The following SMYD3 variants were observed in gnomAD, a reference collection of about 807,000 sequenced individuals.
SMYD3 encodes the protein histone-lysine N-methyltransferase SMYD3.
SMYD3 carries 36 observed loss-of-function variants against 57.7 expected under a neutral mutation model. That is an observed-to-expected ratio of 0.62 (90% CI 0.48 to 0.82). SMYD3 has a LOEUF of 0.82. SMYD3 is among the 40% of genes least tolerant of loss of function. The probability of loss-of-function intolerance (pLI) is 0.00; values close to 1 mark genes in which losing one functional copy is unlikely to be tolerated. For synonymous variants in SMYD3, 211 were observed against 195.0 expected (o/e 1.08, Z -0.68); for missense variants, 515 against 538.8 (o/e 0.96, Z 0.44).
chr1:245,930,161 G>T, intron 5 of SMYD3: 14 of 440,228 alleles, frequency 3.2e-5, no homozygotes, highest in African/African-American at 5.1e-5. Context: ...AACCTCCTGG[G>T]AGAAAAAAAA....
intron 8 of SMYD3, among the ~76,000 whole-genome samples, chr1:245,908,619 A>G (rs1334742273): frequency 6.6e-6 from 1 of 152,260 alleles, no homozygotes; most frequent in Non-Finnish European, 1.5e-5. Context: ...AGAAACTGAG[A>G]TCATATCAGG....
intron 5 of SMYD3, among the ~76,000 whole-genome samples, chr1:245,978,831 C>G (rs576497094): frequency 6.6e-6 from 1 of 152,076 alleles, no homozygotes; most frequent in African/African-American, 2.4e-5. Context: ...TCCAACACTA[C>G]GAAGGCAAAT....
At chr1:246,270,154 T>C (rs763515869) in intron 5 of SMYD3, among the ~76,000 whole-genome samples, 8 of 152,168 alleles carry the variant, frequency 5.3e-5, no homozygotes, top group Non-Finnish European at 1.2e-4. Flanking sequence ...AGGAAGACAG[T>C]GATAGAATTT....
At position 245,859,212 on chromosome 1, in the gene SMYD3, T is replaced by C. The variant is rs144227959; in HGVS notation, c.902-542A>G. ...CACTAGGTGGAGCAATTTGAAGACATAGATTTCCACTGGGTCTCATTTTTT... is the reference window on the plus strand; with the variant it reads ...CACTAGGTGGAGCAATTTGAAGACACAGATTTCCACTGGGTCTCATTTTTT... On this transcript the variant is annotated intron_variant, in intron 9 of 11. Transcript: ENST00000490107. Among the ~76,000 whole-genome samples the C allele has an allele frequency of 8.5e-5, 13 of 152,268 alleles. No individual in the cohort carries two copies. The East Asian group carries it at 2.1e-3, about 25-fold the overall frequency.
chr1:246,132,703 G>A (rs2061605643), intron 5 of SMYD3, among the ~76,000 whole-genome samples: 1 of 152,128 alleles, frequency 6.6e-6, no homozygotes, highest in African/African-American at 2.4e-5. Flanking sequence ...GCAATCCATA[G>A]AATGGGAGAA....
intron 1 of SMYD3, among the ~76,000 whole-genome samples, chr1:246,413,462 T>C (rs763348638): frequency 2.6e-5 from 4 of 152,290 alleles, no homozygotes; most frequent in African/African-American, 9.6e-5. Flanking sequence ...GATTTAACAA[T>C]AGCTATGTTC....
intron 5 of SMYD3, among the ~76,000 whole-genome samples, chr1:246,127,705 A>G (rs1372533775): frequency 6.6e-6 from 1 of 151,982 alleles, no homozygotes; most frequent in Non-Finnish European, 1.5e-5. Context: ...AGAGCAGCCT[A>G]GCCAACATAA....
rs368387992 is a variant in SMYD3 at position 246,481,749 on chromosome 1, T to C, written c.164+25305A>G. Reference sequence around the variant, plus strand: ...TGATATGAGTATATATATGATCATATATGATTATGTGTATCCATAGAAGAT... The same window carrying C: ...TGATATGAGTATATATATGATCATACATGATTATGTGTATCCATAGAAGAT... On this transcript the variant is annotated intron_variant, in intron 1 of 11. Transcript: ENST00000490107. Among the ~76,000 whole-genome samples, 66 of 147,028 alleles carry C rather than the reference T, an allele frequency of 4.5e-4. 1 individual carries two copies. In the East Asian group the frequency reaches 0.011, roughly 24 times the overall value.
chr1:245,905,808 G>C (rs2054524313), intron 8 of SMYD3, among the ~76,000 whole-genome samples: 1 of 152,168 alleles, frequency 6.6e-6, no homozygotes, highest in South Asian at 2.1e-4. Context: ...CAGAAACATG[G>C]AACAATGGAA....
At chr1:245,920,024 C>G (rs2055747682) in intron 7 of SMYD3, among the ~76,000 whole-genome samples, 1 of 152,138 alleles carries the variant, frequency 6.6e-6, no homozygotes, top group African/African-American at 2.4e-5. Context: ...ATAAGATGAG[C>G]AAGTTAAGGC....
chr1:246,339,518 AG>A (rs1040094084), intron 2 of SMYD3, among the ~76,000 whole-genome samples: 2 of 152,318 alleles, frequency 1.3e-5, no homozygotes, highest in African/African-American at 4.8e-5. Flanking sequence ...AAAAGAACTG[AG>A]AAGCCCAGAT....
intron 5 of SMYD3, among the ~76,000 whole-genome samples, chr1:246,135,602 G>A (rs1221584634): frequency 3.3e-5 from 5 of 151,876 alleles, no homozygotes; most frequent in African/African-American, 1.2e-4. Context: ...TCACCTTAAA[G>A]CTTCATAATT....
chr1:245,973,249 T>C (rs934668583), intron 5 of SMYD3, among the ~76,000 whole-genome samples: 3 of 152,244 alleles, frequency 2.0e-5, no homozygotes, highest in Non-Finnish European at 4.4e-5. Context: ...ACAGCCATCA[T>C]CATTGTTGCT....
At chr1:246,382,907 C>T (rs1020968999) in intron 1 of SMYD3, among the ~76,000 whole-genome samples, 1 of 152,170 alleles carries the variant, frequency 6.6e-6, no homozygotes, top group East Asian at 1.9e-4. Context: ...GCTGGCCAGA[C>T]TTCAGGCCAG....
chr1:245,958,477 G>A (rs1349048566), intron 5 of SMYD3, among the ~76,000 whole-genome samples: 3 of 151,882 alleles, frequency 2.0e-5, no homozygotes, highest in Non-Finnish European at 4.4e-5. Context: ...TCTTTCATTC[G>A]TGTGACTGCC....
At chr1:246,010,047 C>T (rs1011144350) in intron 5 of SMYD3, among the ~76,000 whole-genome samples, 4 of 85,728 alleles carry the variant, frequency 4.7e-5, no homozygotes, top group African/African-American at 8.9e-5. Flanking sequence ...GCTGGGAATG[C>T]GCCACTGCAC....
chr1:245,751,731 C>T (rs538924258), intron 11 of SMYD3, among the ~76,000 whole-genome samples: 1 of 152,200 alleles, frequency 6.6e-6, no homozygotes, highest in Non-Finnish European at 1.5e-5. Context: ...TGGCCCCTCA[C>T]CCTGTGACAC....
chr1:246,436,011 T>C (rs2067367010), intron 1 of SMYD3, among the ~76,000 whole-genome samples: 1 of 152,164 alleles, frequency 6.6e-6, no homozygotes, highest in Non-Finnish European at 1.5e-5. Flanking sequence ...CAACATTTCC[T>C]GGGTCAGTAA....
chr1:246,409,288 C>T (rs1446409396), intron 1 of SMYD3, among the ~76,000 whole-genome samples: 1 of 152,220 alleles, frequency 6.6e-6, no homozygotes, highest in South Asian at 2.1e-4. Context: ...AGGTTTTCTT[C>T]TAGGGTTTTT....
Sources: allele counts gnomAD v4.1 joint callset (sites outside exome capture counted in the v4.1 genomes callset), GRCh38; gene constraint gnomAD v4.1.1; transcripts MANE v1.5; gene names NCBI Gene and HGNC (gene_info 2026-07-23, HGNC 2026-07-21).